The following SPATA6 variants were observed in gnomAD, a reference collection of about 807,000 sequenced individuals.
SPATA6 encodes the protein spermatogenesis-associated protein 6.
SPATA6 carries 56 observed loss-of-function variants against 65.3 expected under a neutral mutation model. That is an observed-to-expected ratio of 0.86 (90% CI 0.69 to 1.07). The LOEUF (loss-of-function observed/expected upper bound fraction) is 1.07, where lower values mean the gene tolerates loss of function less well. Among genes scored for constraint, SPATA6 ranks in the 50% least tolerant of loss-of-function variants. SPATA6 has a pLI of 0.00. For synonymous variants in SPATA6, 199 were observed against 213.2 expected (o/e 0.93, Z 0.58); for missense variants, 590 against 594.8 (o/e 0.99, Z 0.08).
the SPATA6 span, among the ~76,000 whole-genome samples, chr1:48,277,437 G>T: frequency 2.0e-5 from 3 of 152,224 alleles, no homozygotes; most frequent in Admixed American, 6.5e-5. Flanking sequence ...AAAGAAAGGG[G>T]TGACAGATGG....
At chr1:48,427,361 C>T (rs891744512) in intron 3 of SPATA6, among the ~76,000 whole-genome samples, 7 of 138,552 alleles carry the variant, frequency 5.1e-5, no homozygotes, top group Admixed American at 1.5e-4. Flanking sequence ...TTAAATAGCA[C>T]AGAAAGTAAA....
intron 3 of SPATA6, among the ~76,000 whole-genome samples, chr1:48,438,813 C>G (rs1172310416): frequency 6.6e-6 from 1 of 152,108 alleles, no homozygotes; most frequent in African/African-American, 2.4e-5. Context: ...AACTTCAGGA[C>G]TCTGTTATCT....
At chr1:48,445,005 G>T (rs555246610) in intron 3 of SPATA6, among the ~76,000 whole-genome samples, 17 of 152,196 alleles carry the variant, frequency 1.1e-4, no homozygotes, top group South Asian at 2.1e-4. Context: ...ATAAATTTTT[G>T]ATTTTAGGCA....
chr1:48,445,243 A>G (rs1655900128), intron 3 of SPATA6, among the ~76,000 whole-genome samples: 1 of 152,172 alleles, frequency 6.6e-6, no homozygotes, highest in Non-Finnish European at 1.5e-5. Flanking sequence ...CATTTCTGCT[A>G]TCATTCTGTG....
Position 48,471,644 on chromosome 1 carries a change from C to A in SPATA6, c.51+314G>T, listed in dbSNP as rs988049796. 5.9e-5 allele frequency among the ~76,000 whole-genome samples: 9 copies of A among 152,260 alleles called. 1 individual carries two copies. The South Asian group carries it at 1.9e-3, about 32-fold the overall frequency. Reference sequence around the variant, plus strand: ...GAATGAAAAGCCCCCGCGCCGCGCACATACACTCTCTCTCACTGGAAAGTT... The same window carrying A: ...GAATGAAAAGCCCCCGCGCCGCGCAAATACACTCTCTCTCACTGGAAAGTT... On this transcript the variant is annotated intron_variant, in intron 1 of 12. Coordinates refer to ENST00000371847, the MANE Select transcript of SPATA6 (RefSeq NM_019073.4).
chr1:48,416,018 C>T (rs1028016877), intron 3 of SPATA6, among the ~76,000 whole-genome samples: 8 of 152,028 alleles, frequency 5.3e-5, no homozygotes, highest in Admixed American at 1.3e-4. Context: ...GCCTGGGCAA[C>T]GTGGCGAAAC....
At chr1:48,381,029 C>G (rs1051835243) in intron 9 of SPATA6, among the ~76,000 whole-genome samples, 1 of 152,152 alleles carries the variant, frequency 6.6e-6, no homozygotes, top group Non-Finnish European at 1.5e-5. Flanking sequence ...TCACAAGGAG[C>G]ACACAACCTA....
At chr1:48,311,730 T>A (rs955080580) in intron 11 of SPATA6, among the ~76,000 whole-genome samples, 2 of 152,112 alleles carry the variant, frequency 1.3e-5, no homozygotes, top group Non-Finnish European at 2.9e-5. Context: ...TGCAGGACAG[T>A]GGGTGCAGTG....
chr1:48,363,854 G>C (rs1646902613), intron 9 of SPATA6, among the ~76,000 whole-genome samples: 1 of 151,430 alleles, frequency 6.6e-6, no homozygotes, highest in Non-Finnish European at 1.5e-5. Flanking sequence ...ACAATGTGAA[G>C]GTTTGTTACA....
At chr1:48,411,707 G>C (rs150980623) in intron 4 of SPATA6, 119 bp from the exon 5 acceptor site, 1 of 871,140 alleles carries the variant, frequency 1.1e-6, no homozygotes, top group African/African-American at 1.7e-5. Flanking sequence ...TTTGGGTCAT[G>C]TTTATTTTCT....
chr1:48,440,524 A>C (rs1655358378), intron 3 of SPATA6, among the ~76,000 whole-genome samples: 1 of 152,188 alleles, frequency 6.6e-6, no homozygotes. Context: ...CCCAGTATGA[A>C]TCCCCACTGG....
chr1:48,393,021 T>C (rs1457485251), intron 8 of SPATA6, among the ~76,000 whole-genome samples: 1 of 152,114 alleles, frequency 6.6e-6, no homozygotes, highest in Admixed American at 6.6e-5. Flanking sequence ...ATAGAATTTT[T>C]AAAAATCACT....
Position 48,316,621 on chromosome 1 carries a change from A to G in SPATA6, c.1195-10743T>C, listed in dbSNP as rs549779027. On this transcript the variant is annotated intron_variant, in intron 11 of 12. Transcript: ENST00000371847. ...CAATACCATTCAGGACATAGGCATG[A>G]GCAAGGACTTCATGTCTAAAACACC... Among the ~76,000 whole-genome samples, 630 of 151,926 alleles carry G rather than the reference A, an allele frequency of 4.1e-3. 13 individuals are homozygous for G. Among genetic ancestry groups the G allele is most frequent in the South Asian group, 0.04 (187 of 4,730 alleles).
chr1:48,440,146 C>T (rs1483169592), intron 3 of SPATA6, among the ~76,000 whole-genome samples: 7 of 152,088 alleles, frequency 4.6e-5, no homozygotes, highest in Non-Finnish European at 8.8e-5. Flanking sequence ...GCAAAGACAT[C>T]TCCAAGGGAC....
the SPATA6 span, among the ~76,000 whole-genome samples, chr1:48,284,290 G>A: frequency 2.6e-5 from 4 of 152,212 alleles, no homozygotes; most frequent in South Asian, 2.1e-4. Context: ...GGTCATTTAT[G>A]TTCTTCTTTA....
At chr1:48,283,317 C>T in the SPATA6 span, among the ~76,000 whole-genome samples, 1 of 150,486 alleles carries the variant, frequency 6.6e-6, no homozygotes, top group African/African-American at 2.4e-5. Flanking sequence ...CATGTACCCC[C>T]AAAATTACAG....
At chr1:48,444,460 C>G (rs1655819945) in intron 3 of SPATA6, among the ~76,000 whole-genome samples, 1 of 152,056 alleles carries the variant, frequency 6.6e-6, no homozygotes, top group African/African-American at 2.4e-5. Flanking sequence ...ACTGTAAATG[C>G]ACCAATCGGC....
intron 7 of SPATA6, among the ~76,000 whole-genome samples, chr1:48,396,252 T>G (rs1232141731): frequency 6.6e-6 from 1 of 151,664 alleles, no homozygotes; most frequent in Admixed American, 6.6e-5. Context: ...AAGATGTGAA[T>G]AACTTTGAAC....
chr1:48,282,856 T>C, the SPATA6 span, among the ~76,000 whole-genome samples: 9 of 152,148 alleles, frequency 5.9e-5, no homozygotes, highest in African/African-American at 2.2e-4. Flanking sequence ...GGACTATAAA[T>C]CATGCTGCTA....
Sources: allele counts gnomAD v4.1 joint callset (sites outside exome capture counted in the v4.1 genomes callset), GRCh38; gene constraint gnomAD v4.1.1; transcripts MANE v1.5; gene names NCBI Gene and HGNC (gene_info 2026-07-23, HGNC 2026-07-21).